Variants in COL19A1 observed in about 807,000 individuals in gnomAD.
COL19A1 encodes collagen alpha-1(XIX) chain.
COL19A1 carries 159 observed loss-of-function variants against 190.2 expected under a neutral mutation model. The ratio of observed to expected loss-of-function variants is 0.84; its 90% CI spans 0.73 to 0.95. The LOEUF (loss-of-function observed/expected upper bound fraction) is 0.95, where lower values mean the gene tolerates loss of function less well. COL19A1 is among the 40% of genes least tolerant of loss of function. The pLI, the probability that COL19A1 is intolerant of heterozygous loss-of-function variation, is 0.00. For synonymous variants in COL19A1, 509 were observed against 458.9 expected, an observed-to-expected ratio of 1.11 and a Z score of -1.39; for missense variants, 1,418 against 1,431.9, an observed-to-expected ratio of 0.99 and a Z score of 0.16.
intron 11 of COL19A1, among the ~76,000 whole-genome samples, chr6:70,000,651 C>T (rs1777206051): frequency 6.6e-6 from 1 of 152,124 alleles, no homozygotes; most frequent in South Asian, 2.1e-4. Flanking sequence ...TGTTTGTTGC[C>T]CACATAAACG....
At chr6:70,138,991 G>C (rs1229307528) in intron 19 of COL19A1, among the ~76,000 whole-genome samples, 2 of 152,068 alleles carry the variant, frequency 1.3e-5, no homozygotes, top group Non-Finnish European at 2.9e-5. Context: ...GGTCTCCACT[G>C]TCTTCCCTCC....
chr6:70,001,283 AGTTT>A (rs1465559881), intron 11 of COL19A1, among the ~76,000 whole-genome samples: 9 of 152,102 alleles, frequency 5.9e-5, no homozygotes, highest in African/African-American at 1.9e-4. Flanking sequence ...TTTGTAGTAT[AGTTT>A]GAAGTCAGGT....
chr6:70,118,983 G>T (rs1190796200), intron 16 of COL19A1, among the ~76,000 whole-genome samples: 4 of 152,204 alleles, frequency 2.6e-5, no homozygotes, highest in Non-Finnish European at 5.9e-5. Context: ...TGACCAGTCT[G>T]TAAAGGATCA....
chr6:70,068,431 G>A lies in COL19A1; in HGVS notation c.1179G>A (p.Leu393=), dbSNP rs1200658162. The change falls in exon 15 of 51, where the codon CTG becomes CTA. Residue 393 remains leucine, a synonymous_variant. Coordinates refer to ENST00000620364, the MANE Select transcript of COL19A1 (RefSeq NM_001858.6). ...TCTCTTTTTCCTCATAGGGTTCCCT[G>A]GGGATACAAGGCCCCCAAGGTCCAC... is the stretch of plus-strand genomic sequence containing the variant. The part of the protein sequence containing the change: ...PPGPPALPGS[L]GIQGPQGPPG... 7 of 1,595,558 alleles carry A rather than the reference G, an allele frequency of 4.4e-6. No homozygotes were observed. The Admixed American group carries it at 5.0e-5, about 11-fold the overall frequency.
intron 48 of COL19A1, among the ~76,000 whole-genome samples, chr6:70,194,349 T>C (rs2150301332): frequency 6.6e-6 from 1 of 152,246 alleles, no homozygotes; most frequent in East Asian, 1.9e-4. Context: ...TACAATACCC[T>C]ACAAATCTCA....
intron 13 of COL19A1, among the ~76,000 whole-genome samples, chr6:70,034,946 T>C (rs3828768): frequency 0.59 from 89,964 of 152,022 alleles, 27,161 homozygotes; most frequent in African/African-American, 0.72. Context: ...GCAAATGAGT[T>C]CCCAGTGACT....
chr6:70,182,755 G>T (rs1283397765), intron 44 of COL19A1, among the ~76,000 whole-genome samples: 1 of 152,174 alleles, frequency 6.6e-6, no homozygotes, highest in Non-Finnish European at 1.5e-5. Context: ...AGAGGTCATT[G>T]GTGGGAGAGA....
intron 1 of COL19A1, among the ~76,000 whole-genome samples, chr6:69,867,990 T>C (rs1365426188): frequency 2.0e-5 from 3 of 151,824 alleles, no homozygotes; most frequent in Non-Finnish European, 4.4e-5. Context: ...CAGTCCCATC[T>C]TCTGCTTGGA....
At chr6:70,119,934 T>C (rs894185629) in intron 16 of COL19A1, among the ~76,000 whole-genome samples, 1 of 151,972 alleles carries the variant, frequency 6.6e-6, no homozygotes, top group Admixed American at 6.6e-5. Flanking sequence ...CTACTAAAAA[T>C]ACAAAAATTA....
intron 48 of COL19A1, among the ~76,000 whole-genome samples, chr6:70,197,798 C>A (rs1471562655): frequency 6.6e-6 from 1 of 152,136 alleles, no homozygotes; most frequent in African/African-American, 2.4e-5. Context: ...AGATTCTAGT[C>A]CTGTGCGGGT....
intron 35 of COL19A1, among the ~76,000 whole-genome samples, chr6:70,162,249 AT>A (rs1395257065): frequency 3.9e-5 from 6 of 152,070 alleles, no homozygotes; most frequent in Admixed American, 3.3e-4. Context: ...TTTATTTATA[AT>A]TTTTTGGCAC....
intron 7 of COL19A1, among the ~76,000 whole-genome samples, chr6:69,936,330 A>G (rs1773110271): frequency 6.6e-6 from 1 of 152,124 alleles, no homozygotes; most frequent in African/African-American, 2.4e-5. Context: ...TGTAAAAAGA[A>G]TTTATTTTCT....
At chr6:69,921,458 TA>T (rs372401281) in intron 4 of COL19A1, among the ~76,000 whole-genome samples, 2,231 of 27,846 alleles carry the variant, frequency 0.08, 273 homozygotes, top group African/African-American at 0.2. Context: ...ATATCATATA[TA>T]TCATATATAT....
chr6:69,908,810 C>G (rs1770719166), intron 4 of COL19A1, among the ~76,000 whole-genome samples: 2 of 152,056 alleles, frequency 1.3e-5, no homozygotes, highest in Non-Finnish European at 2.9e-5. Context: ...TGTATAAATT[C>G]TACAACATTC....
chr6:70,178,167 C>T (rs996032060), intron 42 of COL19A1, among the ~76,000 whole-genome samples: 1 of 152,202 alleles, frequency 6.6e-6, no homozygotes, highest in African/African-American at 2.4e-5. Flanking sequence ...ATGGGCAGAA[C>T]ACTTGAGCCC....
chr6:69,974,908 G>GT (rs1283535535), intron 11 of COL19A1, among the ~76,000 whole-genome samples: 4 of 147,756 alleles, frequency 2.7e-5, no homozygotes, highest in African/African-American at 1.0e-4. Flanking sequence ...CACCTCCCGA[G>GT]TTCGCGCCAT....
At chr6:69,907,803 T>C (rs1459143343) in intron 4 of COL19A1, among the ~76,000 whole-genome samples, 1 of 152,228 alleles carries the variant, frequency 6.6e-6, no homozygotes, top group African/African-American at 2.4e-5. Flanking sequence ...CAGTCTAGTC[T>C]AGAGCTTATC....
rs1783664824 is a variant in COL19A1 at position 70,102,084 on chromosome 6, T to C, written c.1225-85T>C. 9.4e-6 allele frequency: 10 copies of C among 1,066,346 alleles called. No homozygotes were observed. In the South Asian group the frequency reaches 1.2e-4, roughly 12 times the overall value. 66.1% of individuals were successfully genotyped at this position (1,066,346 alleles called of 1,614,324 possible). ...CTTAACTTTCTGTTCATTTTTACTGTCTTCAATATTCCCATTTAATATTGT... is the reference window on the plus strand; with the variant it reads ...CTTAACTTTCTGTTCATTTTTACTGCCTTCAATATTCCCATTTAATATTGT... On this transcript the variant is annotated intron_variant, in intron 15 of 50. Transcript: ENST00000620364.
intron 4 of COL19A1, among the ~76,000 whole-genome samples, chr6:69,919,719 A>G (rs1421999572): frequency 9.2e-5 from 14 of 152,180 alleles, no homozygotes; most frequent in Admixed American, 7.9e-4. Flanking sequence ...CATGTATATT[A>G]CTACTAGTAA....
Sources: allele counts gnomAD v4.1 joint callset (sites outside exome capture counted in the v4.1 genomes callset), GRCh38; gene constraint gnomAD v4.1.1; transcripts MANE v1.5; gene names NCBI Gene and HGNC (gene_info 2026-07-23, HGNC 2026-07-21).